The following CLCC1 variants were observed in gnomAD, a reference collection of about 807,000 sequenced individuals.
The protein encoded by CLCC1 is chloride channel CLIC like 1, also known as chloride channel CLIC-like protein 1.
Under a neutral mutation model 63.3 loss-of-function variants are expected in CLCC1, and 39 were observed. The ratio of observed to expected loss-of-function variants is 0.62; its 90% CI spans 0.48 to 0.81. The LOEUF is 0.81. Ranked by LOEUF, CLCC1 falls within the 30% of genes least tolerant of loss-of-function variation. CLCC1 has a pLI of 0.00. For synonymous variants in CLCC1, 217 were observed against 239.8 expected (o/e 0.90, Z 0.88); for missense variants, 549 against 669.4 (o/e 0.82, Z 1.98).
intron 2 of CLCC1, among the ~76,000 whole-genome samples, chr1:108,959,283 G>A (rs1656324350): frequency 6.6e-6 from 1 of 152,030 alleles, no homozygotes; most frequent in Non-Finnish European, 1.5e-5. Flanking sequence ...GAGCCTGGGA[G>A]ACAGAGGTTG....
intron 5 of CLCC1, among the ~76,000 whole-genome samples, chr1:108,945,009 G>T (rs1654361070): frequency 6.6e-6 from 1 of 152,148 alleles, no homozygotes; most frequent in African/African-American, 2.4e-5. Context: ...TAAATACAGG[G>T]TTTGGTTCGT....
At chr1:108,936,715 T>C (rs867960379) in intron 11 of CLCC1, among the ~76,000 whole-genome samples, 1 of 152,184 alleles carries the variant, frequency 6.6e-6, no homozygotes, top group Non-Finnish European at 1.5e-5. Flanking sequence ...GCTAATCCTT[T>C]AGGGCTCTAC....
At chr1:108,935,916 A>G (rs1207135290) in intron 11 of CLCC1, among the ~76,000 whole-genome samples, 1 of 152,112 alleles carries the variant, frequency 6.6e-6, no homozygotes, top group Non-Finnish European at 1.5e-5. Context: ...CGGAGGGAGA[A>G]GAGGTGACCA....
intron 4 of CLCC1, among the ~76,000 whole-genome samples, 176 bp from the exon 5 acceptor site, chr1:108,947,894 CTT>C (rs1287350840): frequency 6.6e-6 from 1 of 152,212 alleles, no homozygotes; most frequent in Non-Finnish European, 1.5e-5. Context: ...CCCATGTTCT[CTT>C]TGCAAAGGGC....
At chr1:108,950,874 T>C (rs2101686955) in intron 2 of CLCC1, among the ~76,000 whole-genome samples, 1 of 152,234 alleles carries the variant, frequency 6.6e-6, no homozygotes, top group East Asian at 1.9e-4. Context: ...TTCTGAACAG[T>C]ATCTAAGGAA....
chr1:108,929,848 A>AGAGTCAGTGTCTTTT lies in CLCC1; in HGVS notation c.*2698_*2699insAAAAGACACTGACTC. 2 of 1,614,082 alleles carry AGAGTCAGTGTCTTTT rather than the reference A, an allele frequency of 1.2e-6. No homozygotes were observed. The highest frequency in any genetic ancestry group is 1.1e-5 in the South Asian group (1 of 91,088). On this transcript the variant is annotated 3_prime_UTR_variant, in exon 13 of 13. Transcript: ENST00000369969. ...GAGAGTTCTTTTACAAAGAGATCAA[A>AGAGTCAGTGTCTTTT]ACAGAGACACTGACTTTGGGCTAAA... is the stretch of plus-strand genomic sequence containing the variant.
In CLCC1 at chr1:108,963,482, T is replaced by G; in HGVS notation, c.-294A>C. 1 of 701,788 alleles carries G rather than the reference T, an allele frequency of 1.4e-6. No individual in the cohort carries two copies. The highest frequency in any genetic ancestry group is 2.6e-6 in the Non-Finnish European group (1 of 384,338). The allele number at this position is 701,788 out of a possible 1,614,324, so 43.5% of individuals were successfully genotyped here. ...CTTCCTGGGCCTCGTCATCGAATTG[T>G]TCGGCTGACGGCTGCGTGTCCCTCC... is the stretch of plus-strand genomic sequence containing the variant. On this transcript the variant is annotated 5_prime_UTR_variant, in exon 1 of 13. Coordinates refer to ENST00000369969, the MANE Select transcript of CLCC1 (RefSeq NM_001377458.1).
intron 2 of CLCC1, among the ~76,000 whole-genome samples, chr1:108,952,791 C>T (rs1352403452): frequency 1.3e-5 from 2 of 149,408 alleles, no homozygotes; most frequent in African/African-American, 4.9e-5. Flanking sequence ...CAGAGTGAGA[C>T]TCTGCCTTTA....
At chr1:108,953,685 G>A (rs1655488182) in intron 2 of CLCC1, among the ~76,000 whole-genome samples, 1 of 152,296 alleles carries the variant, frequency 6.6e-6, no homozygotes, top group Admixed American at 6.5e-5. Flanking sequence ...CCATAGCAAG[G>A]ACTCAAGGAT....
chr1:108,963,193 G>A (rs1365877424), intron 1 of CLCC1, among the ~76,000 whole-genome samples, 168 bp downstream of exon 1: 1 of 152,284 alleles, frequency 6.6e-6, no homozygotes, highest in East Asian at 1.9e-4. Flanking sequence ...TAGGAGCCCG[G>A]GGCACCCACA....
chr1:108,947,940 A>C (rs1654752891), intron 4 of CLCC1, among the ~76,000 whole-genome samples: 1 of 152,206 alleles, frequency 6.6e-6, no homozygotes, highest in South Asian at 2.1e-4. Context: ...CAGATCCAAT[A>C]CTTAGCCCTA....
At chr1:108,962,864 C>A (rs1571107144) in intron 1 of CLCC1, among the ~76,000 whole-genome samples, 1 of 128,662 alleles carries the variant, frequency 7.8e-6, no homozygotes, top group Admixed American at 7.7e-5. Flanking sequence ...CAGCAAGACT[C>A]CGTCTCAAAA....
At chr1:108,936,419 T>C (rs920807912) in intron 11 of CLCC1, among the ~76,000 whole-genome samples, 8 of 152,210 alleles carry the variant, frequency 5.3e-5, no homozygotes, top group African/African-American at 1.9e-4. Flanking sequence ...CATGTAGATA[T>C]GTTTATTTTT....
rs373887762 is a variant in CLCC1 at position 108,960,754 on chromosome 1, G to C, written c.-12+1555C>G. On this transcript the variant is annotated intron_variant, in intron 2 of 12. Coordinates refer to ENST00000369969, the MANE Select transcript of CLCC1 (RefSeq NM_001377458.1). ...ATTTGCATTTCTAACACTGTGAGGA[G>C]GTTAGGATGGGGGAAACGGAGATTT... 1.6e-4 allele frequency among the ~76,000 whole-genome samples: 25 copies of C among 152,246 alleles called. No homozygotes were observed. In the South Asian group the frequency reaches 4.1e-3, roughly 25 times the overall value.
At chr1:108,959,620 G>T (rs1656371789) in intron 2 of CLCC1, among the ~76,000 whole-genome samples, 1 of 152,178 alleles carries the variant, frequency 6.6e-6, no homozygotes, top group Non-Finnish European at 1.5e-5. Context: ...CAGAGGAATA[G>T]ATGTATAGGA....
In CLCC1 at chr1:108,931,522, T is replaced by C. The variant is rs1329808296; in HGVS notation, c.*1025A>G. On this transcript the variant is annotated 3_prime_UTR_variant, in exon 13 of 13. Transcript: ENST00000369969. The stretch of plus-strand genomic sequence containing the variant: ...TCTGGGGATGTGGACCCCTATTCTT[T>C]CAAAAAGTCATTCAGGTGATTTGGA... 15 of 1,524,422 alleles carry C rather than the reference T, an allele frequency of 9.8e-6. No homozygotes were observed. Among genetic ancestry groups the C allele is most frequent in the African/African-American group, 1.4e-5 (1 of 71,842 alleles). The allele number at this position is 1,524,422 out of a possible 1,614,324, so 94.4% of individuals were successfully genotyped here. A position where few individuals can be genotyped will look rare whatever the true frequency, so the allele number is the denominator to read the frequency against.
chr1:108,931,293 C>T lies in CLCC1; in HGVS notation c.*1254G>A. On this transcript the variant is annotated 3_prime_UTR_variant, in exon 13 of 13. Transcript: ENST00000369969. ...AGCTAGAACCTTAGTTGTCATTAAG[C>T]TTTGTCTTCCTTATCCCAGATATTG... The T allele has an allele frequency of 6.5e-7, 1 of 1,527,804 alleles. No homozygotes were observed. The highest frequency in any genetic ancestry group is 8.8e-7 in the Non-Finnish European group (1 of 1,135,500). The allele number at this position is 1,527,804 out of a possible 1,614,324, so 94.6% of individuals were successfully genotyped here.
At chr1:108,957,912 T>C (rs1483173730) in intron 2 of CLCC1, among the ~76,000 whole-genome samples, 2 of 151,324 alleles carry the variant, frequency 1.3e-5, no homozygotes, top group African/African-American at 4.9e-5. Context: ...GACTGAGTCC[T>C]GGGCAAGCCA....
intron 4 of CLCC1, among the ~76,000 whole-genome samples, chr1:108,947,995 G>C (rs1012936864): frequency 2.6e-5 from 4 of 152,182 alleles, no homozygotes; most frequent in African/African-American, 9.7e-5. Flanking sequence ...TAAAGCTAAA[G>C]GAGGCAGAGA....
Sources: allele counts gnomAD v4.1 joint callset (sites outside exome capture counted in the v4.1 genomes callset), GRCh38; gene constraint gnomAD v4.1.1; transcripts MANE v1.5; gene names NCBI Gene and HGNC (gene_info 2026-07-23, HGNC 2026-07-21).